The following UBE2E2 variants were observed in gnomAD, a reference collection of about 807,000 sequenced individuals.
UBE2E2 encodes ubiquitin-conjugating enzyme E2 E2.
A neutral mutation model predicts 24.7 loss-of-function variants in UBE2E2; 6 were observed. That is an observed-to-expected ratio of 0.24 (90% CI 0.13 to 0.48). The LOEUF is 0.48. UBE2E2 is among the 20% of genes least tolerant of loss of function. The pLI, the probability that UBE2E2 is intolerant of heterozygous loss-of-function variation, is 0.99. For missense variants in UBE2E2, 169 were observed against 245.0 expected, an observed-to-expected ratio of 0.69 and a Z score of 2.07; for synonymous variants, 104 against 83.6, an observed-to-expected ratio of 1.24 and a Z score of -1.33.
intron 3 of UBE2E2, among the ~76,000 whole-genome samples, chr3:23,268,843 A>G (rs1698142762): frequency 6.6e-6 from 1 of 152,026 alleles, no homozygotes; most frequent in South Asian, 2.1e-4. Context: ...TGGTACTGGT[A>G]CCGAAACAGA....
At chr3:23,309,025 G>A (rs1388872767) in intron 3 of UBE2E2, among the ~76,000 whole-genome samples, 1 of 152,210 alleles carries the variant, frequency 6.6e-6, no homozygotes, top group African/African-American at 2.4e-5. Flanking sequence ...CAAGCAAACT[G>A]AATATCCCCC....
chr3:23,325,654 C>T (rs1694867391), intron 3 of UBE2E2, among the ~76,000 whole-genome samples: 1 of 152,214 alleles, frequency 6.6e-6, no homozygotes, highest in South Asian at 2.1e-4. Context: ...AACGTCCTCT[C>T]CGGTGTATTT....
intron 3 of UBE2E2, among the ~76,000 whole-genome samples, chr3:23,220,027 A>G (rs1032184935): frequency 6.6e-6 from 1 of 152,156 alleles, no homozygotes; most frequent in African/African-American, 2.4e-5. Context: ...TTTTGGAATC[A>G]TATTGAAGGA....
rs181259833 is a variant in UBE2E2, at chr3:23,263,369, T to C, written c.227+46057T>C. Among the ~76,000 whole-genome samples, 650 of 152,374 alleles carry C rather than the reference T, an allele frequency of 4.3e-3. 2 individuals are homozygous for C. Among genetic ancestry groups the C allele is most frequent in the Non-Finnish European group, 6.5e-3 (442 of 68,034 alleles). The stretch of plus-strand genomic sequence containing the variant: ...TCTTTTGTGTTTTTGAGTTGAACTT[T>C]AAAAGTAATTAAATGAGTTAACTTG... On this transcript the variant is annotated intron_variant, in intron 3 of 5. Transcript: ENST00000396703.
At chr3:23,461,697 T>G (rs1439961090) in intron 3 of UBE2E2, among the ~76,000 whole-genome samples, 2 of 152,150 alleles carry the variant, frequency 1.3e-5, no homozygotes, top group African/African-American at 2.4e-5. Context: ...AAGCTCATGT[T>G]TTTTCATAAG....
intron 3 of UBE2E2, among the ~76,000 whole-genome samples, chr3:23,220,836 C>G (rs1219257097): frequency 6.6e-6 from 1 of 152,188 alleles, no homozygotes; most frequent in Admixed American, 6.5e-5. Context: ...TTTCACAGTT[C>G]TTCACAAATT....
At position 23,396,218 on chromosome 3, in the gene UBE2E2, A is replaced by G. The variant is rs920276244; in HGVS notation, c.228-103390A>G. ...ATGAATTTGTAAACATTTCCAGAAG[A>G]TAGAATATCTTAAGAATGGATTTAA... On this transcript the variant is annotated intron_variant, in intron 3 of 5. Coordinates refer to ENST00000396703, the MANE Select transcript of UBE2E2 (RefSeq NM_152653.4). 2.7e-5 allele frequency among the ~76,000 whole-genome samples: 4 copies of G among 150,660 alleles called. No individual in the cohort carries two copies. In the South Asian group the frequency reaches 8.3e-4, roughly 31 times the overall value.
At chr3:23,370,765 A>T (rs1361592951) in intron 3 of UBE2E2, among the ~76,000 whole-genome samples, 2 of 152,104 alleles carry the variant, frequency 1.3e-5, no homozygotes, top group African/African-American at 4.8e-5. Flanking sequence ...AAAAGAGAGG[A>T]TATGTTGTGT....
At chr3:23,412,875 T>C (rs35055753) in intron 3 of UBE2E2, among the ~76,000 whole-genome samples, 10,725 of 152,218 alleles carry the variant, frequency 0.07, 499 homozygotes, top group Non-Finnish European at 0.088. Flanking sequence ...CTGGTGAATC[T>C]GATGCAGCTA....
chr3:23,527,848 A>G (rs1456335545), intron 4 of UBE2E2, among the ~76,000 whole-genome samples: 1 of 151,052 alleles, frequency 6.6e-6, no homozygotes, highest in Non-Finnish European at 1.5e-5. Flanking sequence ...TATGGCTCGT[A>G]CCTTACCTTA....
At chr3:23,439,808 A>G (rs1449316054) in intron 3 of UBE2E2, among the ~76,000 whole-genome samples, 2 of 152,208 alleles carry the variant, frequency 1.3e-5, no homozygotes, top group Non-Finnish European at 2.9e-5. Flanking sequence ...ATCCAGATGT[A>G]TAACTAAAGT....
Position 23,280,474 on chromosome 3 carries a change from C to G in UBE2E2, c.227+63162C>G, listed in dbSNP as rs1698468683. Among the ~76,000 whole-genome samples, 1 of 152,044 alleles carries G rather than the reference C, an allele frequency of 6.6e-6. No individual in the cohort carries two copies. The highest frequency in any genetic ancestry group is 2.1e-4 in the South Asian group (1 of 4,834). On this transcript the variant is annotated intron_variant, in intron 3 of 5. Transcript: ENST00000396703. The surrounding 1 kb of genome is among the most constrained non-coding windows in gnomAD (Gnocchi z 4.3). ...GTGAATGGTGCTAGAGGTGGCCACACAATCTTTTTGGTCCTTCTTTGTTCA... is the reference window on the plus strand; with the variant it reads ...GTGAATGGTGCTAGAGGTGGCCACAGAATCTTTTTGGTCCTTCTTTGTTCA...
chr3:23,433,911 G>A (rs1460470468), intron 3 of UBE2E2, among the ~76,000 whole-genome samples: 1 of 151,746 alleles, frequency 6.6e-6, no homozygotes, highest in Non-Finnish European at 1.5e-5. Flanking sequence ...TCGTTTGTAA[G>A]GGAAAAAAGA....
chr3:23,441,759 G>T (rs1446715178), intron 3 of UBE2E2, among the ~76,000 whole-genome samples: 2 of 152,070 alleles, frequency 1.3e-5, no homozygotes, highest in African/African-American at 4.8e-5. Flanking sequence ...TTGAAAGGAA[G>T]TTGTTAACTG....
intron 3 of UBE2E2, among the ~76,000 whole-genome samples, chr3:23,218,265 T>C (rs1292675083): frequency 6.6e-6 from 1 of 152,170 alleles, no homozygotes; most frequent in Non-Finnish European, 1.5e-5. Context: ...GAATCTAATA[T>C]GGTTCTTCAA....
Position 23,483,771 on chromosome 3 carries a change from A to G in UBE2E2, c.228-15837A>G, listed in dbSNP as rs185810928. On this transcript the variant is annotated intron_variant, in intron 3 of 5. Transcript: ENST00000396703. ...CATGGTGATTCTAGTTGTTCATTAG[A>G]TTCTGATTCATCTGGTCTGATTTGG... Among the ~76,000 whole-genome samples, 215 of 152,278 alleles carry G rather than the reference A, an allele frequency of 1.4e-3. 1 individual carries two copies. The highest frequency in any genetic ancestry group is 4.9e-3 in the African/African-American group (204 of 41,556).
chr3:23,413,209 A>T (rs917513966), intron 3 of UBE2E2, among the ~76,000 whole-genome samples: 35 of 21,566 alleles, frequency 1.6e-3, no homozygotes, highest in African/African-American at 4.7e-3. Flanking sequence ...TAATAAAATT[A>T]AAAAAAAATC....
At chr3:23,452,229 T>C (rs1403275789) in intron 3 of UBE2E2, among the ~76,000 whole-genome samples, 2 of 152,214 alleles carry the variant, frequency 1.3e-5, no homozygotes. Flanking sequence ...AACAGCACGA[T>C]ATATCTAGCT....
At chr3:23,393,892 C>T (rs553324533) in intron 3 of UBE2E2, among the ~76,000 whole-genome samples, 9 of 152,154 alleles carry the variant, frequency 5.9e-5, no homozygotes, top group Non-Finnish European at 1.2e-4. Context: ...TACATATTGC[C>T]TACATCTGCT....
Sources: allele counts gnomAD v4.1 joint callset (sites outside exome capture counted in the v4.1 genomes callset), GRCh38; gene constraint gnomAD v4.1.1; non-coding constraint Gnocchi (gnomAD v3.1); transcripts MANE v1.5; gene names NCBI Gene and HGNC (gene_info 2026-07-23, HGNC 2026-07-21).